CA10: variants seen among roughly 807,000 people sequenced by gnomAD.
The protein encoded by CA10 is carbonic anhydrase-related protein 10.
CA10 carries 14 observed loss-of-function variants against 44.2 expected under a neutral mutation model. The observed-to-expected ratio is 0.32, with a 90% confidence interval of 0.21 to 0.50. The LOEUF is 0.50. Ranked by LOEUF, CA10 falls within the 20% of genes least tolerant of loss-of-function variation. The probability of loss-of-function intolerance (pLI) is 0.99; values close to 1 mark genes in which losing one functional copy is unlikely to be tolerated. For synonymous variants in CA10, 159 were observed against 141.6 expected (o/e 1.12, Z -0.87); for missense variants, 350 against 409.7 (o/e 0.85, Z 1.26).
chr17:51,793,891 C>T (rs984108315), intron 3 of CA10, among the ~76,000 whole-genome samples: 2 of 152,212 alleles, frequency 1.3e-5, no homozygotes, highest in African/African-American at 4.8e-5. Context: ...AATGCCTGAG[C>T]ATGCTCAGAT....
chr17:51,989,992 C>T (rs1401108755), intron 2 of CA10, among the ~76,000 whole-genome samples: 1 of 152,124 alleles, frequency 6.6e-6, no homozygotes, highest in Non-Finnish European at 1.5e-5. Flanking sequence ...CAATATCACC[C>T]AGCTAGTAAT....
intron 3 of CA10, among the ~76,000 whole-genome samples, chr17:51,896,655 TG>T (rs1981080330): frequency 6.6e-6 from 1 of 152,076 alleles, no homozygotes; most frequent in Non-Finnish European, 1.5e-5. Context: ...TCTGAGAAAC[TG>T]TCAAACTGTT....
chr17:52,159,291 GCAGGTTCCTAGAC>G (rs1031083908), upstream of CA10: 2 of 151,618 alleles, frequency 1.3e-5, no homozygotes, highest in African/African-American at 4.9e-5. Flanking sequence ...TCTTTTCTCT[GCAGGTTCCTAGAC>G]CAGGTGCAAC....
chr17:51,952,365 A>T (rs1983516631), intron 2 of CA10, among the ~76,000 whole-genome samples: 1 of 152,140 alleles, frequency 6.6e-6, no homozygotes, highest in South Asian at 2.1e-4. Context: ...ATTCTGAGGT[A>T]CCGGGGGTTA....
chr17:51,999,683 T>G (rs1226855609), intron 2 of CA10, among the ~76,000 whole-genome samples: 1 of 151,986 alleles, frequency 6.6e-6, no homozygotes, highest in Non-Finnish European at 1.5e-5. Flanking sequence ...GAAAGCTGGG[T>G]ATGGTGAGAG....
intron 3 of CA10, among the ~76,000 whole-genome samples, chr17:51,822,068 A>G (rs1456995253): frequency 6.6e-6 from 1 of 152,074 alleles, no homozygotes; most frequent in East Asian, 1.9e-4. Context: ...TATCCTTTCT[A>G]CAGATATACA....
intron 4 of CA10, among the ~76,000 whole-genome samples, chr17:51,679,583 CAG>C (rs1914767110): frequency 7.3e-6 from 1 of 137,814 alleles, no homozygotes; most frequent in Admixed American, 7.4e-5. Context: ...TTTTTTAAGA[CAG>C]AGTCTTGCTT....
intron 3 of CA10, among the ~76,000 whole-genome samples, chr17:51,862,449 T>G (rs1979353813): frequency 6.6e-6 from 1 of 152,020 alleles, no homozygotes; most frequent in African/African-American, 2.4e-5. Flanking sequence ...GCTTCAACCT[T>G]AGCACCTTCT....
intron 2 of CA10, among the ~76,000 whole-genome samples, chr17:51,943,606 T>A (rs1429351210): frequency 6.6e-6 from 1 of 152,188 alleles, no homozygotes; most frequent in Non-Finnish European, 1.5e-5. Context: ...TGGAGCATCC[T>A]TCCTTACTTT....
chr17:52,060,376 G>A (rs1439844753), intron 2 of CA10, among the ~76,000 whole-genome samples: 1 of 152,028 alleles, frequency 6.6e-6, no homozygotes, highest in East Asian at 1.9e-4. Flanking sequence ...AACAGAAACA[G>A]GACCTTAGTG....
rs192603587 is a variant in CA10, at chr17:52,028,684, G to A, written c.136+43635C>T. Among the ~76,000 whole-genome samples, 10 of 152,244 alleles carry A rather than the reference G, an allele frequency of 6.6e-5. No individual in the cohort carries two copies. In the East Asian group the frequency reaches 1.5e-3, roughly 24 times the overall value. On this transcript the variant is annotated intron_variant, in intron 2 of 8. Coordinates refer to ENST00000451037, the MANE Select transcript of CA10 (RefSeq NM_020178.5). ...TGGGTGTGGACAAAATAAGAAGGGA[G>A]CCATACTCAGCTATGAGCCAGTGTA... is the stretch of plus-strand genomic sequence containing the variant.
At chr17:51,772,855 C>T (rs1305508008) in intron 3 of CA10, among the ~76,000 whole-genome samples, 2 of 152,172 alleles carry the variant, frequency 1.3e-5, no homozygotes, top group East Asian at 3.9e-4. Context: ...CCCATGCTTT[C>T]TCTACCTCTC....
intron 4 of CA10, among the ~76,000 whole-genome samples, chr17:51,700,270 A>C (rs774652531): frequency 1.3e-5 from 2 of 152,162 alleles, no homozygotes; most frequent in African/African-American, 4.8e-5. Flanking sequence ...TCCTCAGTGC[A>C]GCAGCCAGAG....
intron 3 of CA10, among the ~76,000 whole-genome samples, chr17:51,860,481 A>C (rs1474876528): frequency 1.3e-5 from 2 of 152,162 alleles, no homozygotes; most frequent in Non-Finnish European, 2.9e-5. Context: ...GGTGGGCCTG[A>C]CATTCCATGC....
At chr17:51,991,856 G>A (rs1985052435) in intron 2 of CA10, among the ~76,000 whole-genome samples, 1 of 151,976 alleles carries the variant, frequency 6.6e-6, no homozygotes, top group Non-Finnish European at 1.5e-5. Flanking sequence ...CATTCCTAAA[G>A]TCTTTGGAAA....
chr17:51,759,090 C>A (rs183418132), intron 3 of CA10, among the ~76,000 whole-genome samples: 2 of 152,278 alleles, frequency 1.3e-5, no homozygotes, highest in African/African-American at 4.8e-5. Context: ...AACCTTAGCC[C>A]ACTAGCATGT....
intron 4 of CA10, among the ~76,000 whole-genome samples, chr17:51,690,572 C>T (rs2143422332): frequency 6.6e-6 from 1 of 152,276 alleles, no homozygotes; most frequent in African/African-American, 2.4e-5. Flanking sequence ...TATTCCCATG[C>T]TGTTCTTGTG....
intron 3 of CA10, among the ~76,000 whole-genome samples, chr17:51,820,193 C>CG (rs1413573510): frequency 2.6e-4 from 34 of 130,816 alleles, no homozygotes; most frequent in African/African-American, 9.5e-4. Context: ...CCGCCCCCCC[C>CG]CCCCCAGGTA....
intron 3 of CA10, among the ~76,000 whole-genome samples, chr17:51,842,592 T>C (rs373531790): frequency 2.8e-4 from 43 of 152,334 alleles, no homozygotes; most frequent in African/African-American, 9.4e-4. Context: ...TAGGTTTACT[T>C]GTTGGAAACA....
Sources: allele counts gnomAD v4.1 joint callset (sites outside exome capture counted in the v4.1 genomes callset), GRCh38; gene constraint gnomAD v4.1.1; transcripts MANE v1.5; gene names NCBI Gene and HGNC (gene_info 2026-07-23, HGNC 2026-07-21).